The following GUCY1A2 variants were observed in gnomAD, a reference collection of about 807,000 sequenced individuals.
The protein encoded by GUCY1A2 is guanylate cyclase 1 soluble subunit alpha 2.
A neutral mutation model predicts 63.5 loss-of-function variants in GUCY1A2; 27 were observed. That is an observed-to-expected ratio of 0.43 (90% CI 0.31 to 0.59). The LOEUF is 0.59. Among genes scored for constraint, GUCY1A2 ranks in the 20% least tolerant of loss-of-function variants. The pLI, the probability that GUCY1A2 is intolerant of heterozygous loss-of-function variation, is 0.11. For synonymous variants in GUCY1A2, 364 were observed against 343.5 expected (o/e 1.06, Z -0.66); for missense variants, 768 against 913.3 (o/e 0.84, Z 2.05).
At chr11:106,821,056 T>C (rs934628896) in intron 4 of GUCY1A2, among the ~76,000 whole-genome samples, 5 of 152,170 alleles carry the variant, frequency 3.3e-5, no homozygotes, top group African/African-American at 1.2e-4. Flanking sequence ...ATAAACTACA[T>C]AACCAAGTCA....
At chr11:106,827,904 C>A (rs1010222334) in intron 4 of GUCY1A2, 4 of 1,472,092 alleles carry the variant, frequency 2.7e-6, no homozygotes, top group African/African-American at 1.4e-5. Flanking sequence ...GCCGGACTCC[C>A]AGTGGTTTAC....
At position 106,687,367 on chromosome 11, in the gene GUCY1A2, G is replaced by A. The variant is rs149946706; in HGVS notation, c.*182C>T. Reference sequence around the variant, plus strand: ...ACACATCTTATTTCCCTCATCCTCCGGCTTTTTATTGACAGCGGTCACCTC... The same window carrying A: ...ACACATCTTATTTCCCTCATCCTCCAGCTTTTTATTGACAGCGGTCACCTC... On this transcript the variant is annotated 3_prime_UTR_variant, in exon 8 of 8. Coordinates refer to ENST00000526355, the MANE Select transcript of GUCY1A2 (RefSeq NM_000855.3). 225 of 595,602 alleles carry A rather than the reference G, an allele frequency of 3.8e-4. 3 individuals carry two copies. The East Asian group carries it at 4.7e-3, about 12-fold the overall frequency. 36.9% of individuals were successfully genotyped at this position (595,602 alleles called of 1,614,324 possible).
intron 1 of GUCY1A2, 125 bp from the exon 2 acceptor site, chr11:106,986,256 T>TAA: frequency 1.8e-6 from 1 of 562,058 alleles, no homozygotes. Flanking sequence ...TCTACAGTAT[T>TAA]AACCCATTTT....
chr11:106,947,574 T>A (rs1247700096), intron 3 of GUCY1A2, among the ~76,000 whole-genome samples: 1 of 152,036 alleles, frequency 6.6e-6, no homozygotes, highest in Non-Finnish European at 1.5e-5. Context: ...GTATTATATG[T>A]ATGTAAAATT....
chr11:106,846,568 G>A (rs1859276530), intron 4 of GUCY1A2, among the ~76,000 whole-genome samples: 2 of 151,604 alleles, frequency 1.3e-5, no homozygotes, highest in Admixed American at 1.3e-4. Flanking sequence ...CTATTGTAGG[G>A]AGTCTATGAT....
chr11:106,833,299 G>A (rs1859074968), intron 4 of GUCY1A2, among the ~76,000 whole-genome samples: 1 of 151,960 alleles, frequency 6.6e-6, no homozygotes, highest in Non-Finnish European at 1.5e-5. Flanking sequence ...TGGGGGTTAG[G>A]ACTTCAAAGT....
At chr11:106,866,828 G>A (rs1451534162) in intron 4 of GUCY1A2, among the ~76,000 whole-genome samples, 1 of 151,934 alleles carries the variant, frequency 6.6e-6, no homozygotes. Context: ...AGACAATGAG[G>A]ATCTTACCTT....
intron 3 of GUCY1A2, among the ~76,000 whole-genome samples, chr11:106,955,782 G>C (rs1020578205): frequency 2.6e-5 from 4 of 152,012 alleles, no homozygotes; most frequent in Non-Finnish European, 5.9e-5. Context: ...TCTTGGGGTT[G>C]ATCTTCTTAC....
At chr11:106,691,244 T>A (rs1489624916) in intron 7 of GUCY1A2, among the ~76,000 whole-genome samples, 2 of 152,144 alleles carry the variant, frequency 1.3e-5, no homozygotes, top group Non-Finnish European at 2.9e-5. Flanking sequence ...AGACAAGAAA[T>A]GCTCATTGAA....
intron 6 of GUCY1A2, among the ~76,000 whole-genome samples, chr11:106,739,536 G>A (rs1387325843): frequency 2.0e-5 from 3 of 152,186 alleles, no homozygotes; most frequent in Admixed American, 6.5e-5. Flanking sequence ...GAAAGTCAGA[G>A]AGGGTAAGCA....
At chr11:106,962,950 T>C (rs1343442027) in intron 3 of GUCY1A2, among the ~76,000 whole-genome samples, 1 of 152,068 alleles carries the variant, frequency 6.6e-6, no homozygotes, top group African/African-American at 2.4e-5. Flanking sequence ...ATTTTGACCA[T>C]GTACAGCTAT....
chr11:106,768,311 C>A (rs1435436102), intron 6 of GUCY1A2, among the ~76,000 whole-genome samples: 1 of 150,726 alleles, frequency 6.6e-6, no homozygotes, highest in African/African-American at 2.4e-5. Flanking sequence ...CTCTTACTTT[C>A]TAATTTAAAA....
intron 5 of GUCY1A2, among the ~76,000 whole-genome samples, chr11:106,795,040 A>T (rs1450483038): frequency 6.6e-6 from 1 of 152,224 alleles, no homozygotes; most frequent in Non-Finnish European, 1.5e-5. Context: ...ACAAATTCCA[A>T]ACAATCATTT....
At chr11:106,762,549 T>C (rs1864084450) in intron 6 of GUCY1A2, among the ~76,000 whole-genome samples, 1 of 152,136 alleles carries the variant, frequency 6.6e-6, no homozygotes, top group Non-Finnish European at 1.5e-5. Context: ...TGAAATATAA[T>C]AATACTGAAG....
At chr11:106,710,772 G>C (rs2135353634) in intron 6 of GUCY1A2, among the ~76,000 whole-genome samples, 1 of 152,102 alleles carries the variant, frequency 6.6e-6, no homozygotes, top group Non-Finnish European at 1.5e-5. Flanking sequence ...TAACAAGTGG[G>C]AGATGATATC....
chr11:106,716,969 T>C (rs1369452806), intron 6 of GUCY1A2, among the ~76,000 whole-genome samples: 2 of 151,978 alleles, frequency 1.3e-5, no homozygotes, highest in Admixed American at 6.6e-5. Context: ...GATCCGCTTG[T>C]AGAGCCTGAG....
At chr11:106,748,864 G>A (rs1326652860) in intron 6 of GUCY1A2, among the ~76,000 whole-genome samples, 1 of 151,612 alleles carries the variant, frequency 6.6e-6, no homozygotes, top group East Asian at 1.9e-4. Context: ...GAATAACACA[G>A]CGTAGAACAG....
intron 4 of GUCY1A2, among the ~76,000 whole-genome samples, chr11:106,889,218 C>T (rs1247349199): frequency 6.6e-6 from 1 of 152,146 alleles, no homozygotes; most frequent in Non-Finnish European, 1.5e-5. Context: ...TCACATTATA[C>T]ATTCTCAGAA....
Position 106,766,062 on chromosome 11 carries a change from A to T in GUCY1A2, c.1836+10377T>A, listed in dbSNP as rs144247788. 3.4e-3 allele frequency among the ~76,000 whole-genome samples: 516 copies of T among 152,274 alleles called. 7 individuals are homozygous for T. The highest frequency in any genetic ancestry group is 3.8e-3 in the Non-Finnish European group (260 of 68,004). On this transcript the variant is annotated intron_variant, in intron 6 of 7. Transcript: ENST00000526355. The stretch of plus-strand genomic sequence containing the variant: ...AGAGTTGCTAGGAAACCACATTCCA[A>T]ATAAGGAATATTATAGTGGTGACCC...
Sources: gnomAD v4.1 joint callset for allele counts (sites outside exome capture counted in the v4.1 genomes callset) on GRCh38, gnomAD v4.1.1 for gene constraint, MANE v1.5 for transcripts, NCBI Gene and HGNC (gene_info 2026-07-23, HGNC 2026-07-21) for gene names.